Variants in NALF1 observed in about 807,000 individuals in gnomAD.
The protein encoded by NALF1 is NALCN channel auxiliary factor 1.
A neutral mutation model predicts 48.4 loss-of-function variants in NALF1; 3 were observed. The ratio of observed to expected loss-of-function variants is 0.06; its 90% CI spans 0.03 to 0.16. NALF1 has a LOEUF of 0.16. Among genes scored for constraint, NALF1 ranks in the 10% least tolerant of loss-of-function variants. The pLI, the probability that NALF1 is intolerant of heterozygous loss-of-function variation, is 1.00. For missense variants in NALF1, 526 were observed against 571.5 expected, an observed-to-expected ratio of 0.92 and a Z score of 0.81; for synonymous variants, 262 against 245.7, an observed-to-expected ratio of 1.07 and a Z score of -0.62.
chr13:107,530,913 G>A (rs536438942), intron 1 of NALF1, among the ~76,000 whole-genome samples: 11 of 151,872 alleles, frequency 7.2e-5, no homozygotes, highest in Non-Finnish European at 1.3e-4. Flanking sequence ...GAACACTGAC[G>A]ATTTTTATTG....
intron 1 of NALF1, among the ~76,000 whole-genome samples, chr13:107,815,562 G>A (rs1879138902): frequency 6.6e-6 from 1 of 152,148 alleles, no homozygotes. Context: ...ATTGCTAGTA[G>A]AAGTGTAAAA....
At chr13:107,279,725 A>G (rs1162706559) in intron 1 of NALF1, among the ~76,000 whole-genome samples, 2 of 152,050 alleles carry the variant, frequency 1.3e-5, no homozygotes, top group Admixed American at 6.6e-5. Context: ...GCTGCCCTCA[A>G]TCTTGCTTTT....
At chr13:107,409,889 T>C (rs1883960233) in intron 1 of NALF1, among the ~76,000 whole-genome samples, 1 of 152,190 alleles carries the variant, frequency 6.6e-6, no homozygotes, top group Admixed American at 6.6e-5. Context: ...CTGCCTCTTT[T>C]AGTGCCCCAG....
intron 1 of NALF1, among the ~76,000 whole-genome samples, chr13:107,708,971 A>T (rs1374029924): frequency 6.6e-6 from 1 of 152,206 alleles, no homozygotes; most frequent in Non-Finnish European, 1.5e-5. Context: ...AGAAATGCAT[A>T]ATCAGCAGAG....
At chr13:107,766,995 C>T (rs1390207608) in intron 1 of NALF1, among the ~76,000 whole-genome samples, 1 of 152,032 alleles carries the variant, frequency 6.6e-6, no homozygotes, top group Non-Finnish European at 1.5e-5. Context: ...AACAGAAAGA[C>T]TTAGACGTGT....
intron 1 of NALF1, among the ~76,000 whole-genome samples, chr13:107,371,052 C>G (rs962824562): frequency 6.6e-6 from 1 of 152,160 alleles, no homozygotes; most frequent in African/African-American, 2.4e-5. Context: ...ACCGCCAAAC[C>G]ATATCAATAG....
chr13:107,656,039 C>T (rs1227578681), intron 1 of NALF1, among the ~76,000 whole-genome samples: 2 of 151,886 alleles, frequency 1.3e-5, no homozygotes, highest in South Asian at 4.2e-4. Flanking sequence ...AAATCTAAGA[C>T]CTGAAATCAT....
intron 1 of NALF1, among the ~76,000 whole-genome samples, chr13:107,563,199 T>A (rs1271681056): frequency 6.6e-6 from 1 of 152,202 alleles, no homozygotes; most frequent in Non-Finnish European, 1.5e-5. Context: ...TCCAGCCTGC[T>A]GGGGAAAATG....
At chr13:107,770,204 C>T (rs1292294355) in intron 1 of NALF1, among the ~76,000 whole-genome samples, 4 of 152,154 alleles carry the variant, frequency 2.6e-5, no homozygotes, top group African/African-American at 7.2e-5. Context: ...TGAGCCACCG[C>T]GCCGGGCCCA....
intron 2 of NALF1, among the ~76,000 whole-genome samples, chr13:107,210,331 G>C (rs937942859): frequency 3.3e-5 from 5 of 152,096 alleles, no homozygotes; most frequent in Non-Finnish European, 4.4e-5. Flanking sequence ...CTAATATTTT[G>C]CCATCAGATT....
chr13:107,191,928 C>T (rs1879291174), intron 2 of NALF1, among the ~76,000 whole-genome samples: 2 of 150,714 alleles, frequency 1.3e-5, no homozygotes, highest in Admixed American at 1.3e-4. Context: ...GTGTTCTGCC[C>T]ACCTTGGCTT....
chr13:107,271,802 A>T (rs956704178), intron 1 of NALF1, among the ~76,000 whole-genome samples: 1 of 61,938 alleles, frequency 1.6e-5, no homozygotes, highest in Non-Finnish European at 4.8e-5. Context: ...ATATATATAT[A>T]TATATATATA....
chr13:107,172,314 C>A (rs967193567), intron 2 of NALF1, among the ~76,000 whole-genome samples: 1 of 152,130 alleles, frequency 6.6e-6, no homozygotes, highest in Non-Finnish European at 1.5e-5. Flanking sequence ...AATTTTCTTA[C>A]TTATCTGTCA....
intron 1 of NALF1, among the ~76,000 whole-genome samples, chr13:107,599,430 A>T (rs536483880): frequency 7.9e-5 from 12 of 151,476 alleles, no homozygotes; most frequent in Admixed American, 3.3e-4. Flanking sequence ...TCAAAAAAAA[A>T]AAAAAAAAAT....
At chr13:107,569,195 C>T (rs1045061193) in intron 1 of NALF1, among the ~76,000 whole-genome samples, 4 of 152,154 alleles carry the variant, frequency 2.6e-5, no homozygotes, top group African/African-American at 4.8e-5. Flanking sequence ...CACAGCCAGG[C>T]GTGGTGGCTC....
chr13:107,452,835 T>C (rs1385388026), intron 1 of NALF1, among the ~76,000 whole-genome samples: 1 of 151,966 alleles, frequency 6.6e-6, no homozygotes, highest in African/African-American at 2.4e-5. Flanking sequence ...ACAAAGGGGG[T>C]AAAGGCCTTA....
intron 1 of NALF1, among the ~76,000 whole-genome samples, chr13:107,334,011 C>T (rs1882513755): frequency 6.6e-6 from 1 of 152,074 alleles, no homozygotes; most frequent in African/African-American, 2.4e-5. Context: ...TTCATTCATG[C>T]CACTGTTTCA....
chr13:107,174,388 G>C (rs1166748451), intron 2 of NALF1, among the ~76,000 whole-genome samples: 1 of 150,366 alleles, frequency 6.7e-6, no homozygotes, highest in South Asian at 2.1e-4. Context: ...ACAGAGTCTC[G>C]CTCTGTCGCC....
In NALF1 at chr13:107,445,779, T is replaced by C. The variant is rs77291316; in HGVS notation, c.916-235024A>G. Among the ~76,000 whole-genome samples, 1,068 of 152,328 alleles carry C rather than the reference T, an allele frequency of 7.0e-3. 37 individuals carry two copies. The East Asian group carries it at 0.11, about 15-fold the overall frequency. On this transcript the variant is annotated intron_variant, in intron 1 of 2. Transcript: ENST00000375915. ...GGTACATAGTGATATATCATCGTAG[T>C]GTTATCTGTCTCTCCACAGTTTGCA...
Sources: gnomAD v4.1 joint callset for allele counts (sites outside exome capture counted in the v4.1 genomes callset) on GRCh38, gnomAD v4.1.1 for gene constraint, MANE v1.5 for transcripts, NCBI Gene and HGNC (gene_info 2026-07-23, HGNC 2026-07-21) for gene names.